HTR2C: variants seen among roughly 807,000 people sequenced by gnomAD.
HTR2C encodes the protein 5-hydroxytryptamine receptor 2C.
HTR2C carries 5 observed loss-of-function variants against 21.0 expected under a neutral mutation model. That is an observed-to-expected ratio of 0.24 (90% CI 0.12 to 0.50). The LOEUF is 0.50. Ranked by LOEUF, HTR2C falls within the 20% of genes least tolerant of loss-of-function variation. The probability of loss-of-function intolerance (pLI) is 0.98; values close to 1 mark genes in which losing one functional copy is unlikely to be tolerated. For missense variants in HTR2C, 271 were observed against 371.2 expected (o/e 0.73, Z 2.22); for synonymous variants, 150 against 145.3 (o/e 1.03, Z -0.23).
chrX:114,904,199 T>C (rs1275064398), intron 5 of HTR2C, among the ~76,000 whole-genome samples: 1 of 111,800 alleles, frequency 8.9e-6, no homozygotes, highest in Non-Finnish European at 1.9e-5. Context: ...TGTCTTCTTT[T>C]CTCTTTTTTT....
intron 1 of HTR2C, among the ~76,000 whole-genome samples, chrX:114,590,705 T>C (rs1176371997): frequency 8.9e-6 from 1 of 112,033 alleles, no homozygotes; most frequent in Non-Finnish European, 1.9e-5. Context: ...CTGAACATAT[T>C]TTAGGGCAAT....
intron 4 of HTR2C, among the ~76,000 whole-genome samples, chrX:114,845,251 A>C (rs1227518369): frequency 1.8e-5 from 2 of 111,307 alleles, no homozygotes; most frequent in African/African-American, 3.2e-5. Flanking sequence ...TGCAAAAATT[A>C]AACAATATTA....
At chrX:114,704,958 T>C (rs1449310230) in intron 2 of HTR2C, among the ~76,000 whole-genome samples, 8 of 107,332 alleles carry the variant, frequency 7.5e-5, no homozygotes, top group Admixed American at 2.0e-4. Flanking sequence ...CCATTCACAA[T>C]TGCTTCAAAG....
chrX:114,820,455 T>C (rs2070622175), intron 4 of HTR2C, among the ~76,000 whole-genome samples: 1 of 110,494 alleles, frequency 9.1e-6, no homozygotes, highest in Non-Finnish European at 1.9e-5. Flanking sequence ...AACCACAATT[T>C]ATCAGTCATA....
chrX:114,804,441 C>T (rs2070382579), intron 4 of HTR2C, among the ~76,000 whole-genome samples: 1 of 111,889 alleles, frequency 8.9e-6, no homozygotes, highest in South Asian at 3.7e-4. Context: ...CATATGATTA[C>T]TTTGTTTCTG....
intron 5 of HTR2C, among the ~76,000 whole-genome samples, chrX:114,866,626 A>G (rs1012151899): frequency 2.1e-4 from 23 of 108,314 alleles, no homozygotes; most frequent in African/African-American, 6.4e-4. Flanking sequence ...CCCGTTAACC[A>G]TCCCCATCTC....
chrX:114,803,441 G>T (rs2070371612), intron 4 of HTR2C, among the ~76,000 whole-genome samples: 1 of 101,344 alleles, frequency 9.9e-6, no homozygotes, highest in Non-Finnish European at 2.0e-5. Flanking sequence ...GTGTGAAATG[G>T]TATCTCATTG....
At chrX:114,770,760 A>G (rs1346335643) in intron 4 of HTR2C, among the ~76,000 whole-genome samples, 1 of 102,805 alleles carries the variant, frequency 9.7e-6, no homozygotes, top group African/African-American at 3.5e-5. Flanking sequence ...TCCTGCCTTT[A>G]TGCCATACTT....
chrX:114,882,236 A>G (rs1239600713), intron 5 of HTR2C, among the ~76,000 whole-genome samples: 1 of 110,850 alleles, frequency 9.0e-6, no homozygotes, highest in Non-Finnish European at 1.9e-5. Flanking sequence ...ATTAGTTCTA[A>G]TACTTTTTAA....
At chrX:114,600,543 A>G (rs1490231373) in intron 1 of HTR2C, among the ~76,000 whole-genome samples, 1 of 111,248 alleles carries the variant, frequency 9.0e-6, no homozygotes, top group Non-Finnish European at 1.9e-5. Flanking sequence ...TCTAATAATA[A>G]TAATTGGTAA....
chrX:114,601,396 G>T (rs1272906519), intron 1 of HTR2C, among the ~76,000 whole-genome samples: 1 of 108,984 alleles, frequency 9.2e-6, no homozygotes, highest in African/African-American at 3.4e-5. Context: ...TGAGGGTGGG[G>T]CTGTTTTATA....
intron 4 of HTR2C, among the ~76,000 whole-genome samples, chrX:114,772,463 G>A (rs1369184583): frequency 1.4e-5 from 1 of 71,507 alleles, no homozygotes; most frequent in Non-Finnish European, 2.6e-5. Context: ...TTTTGTGTAT[G>A]TGTGGTGGCG....
chrX:114,834,201 T>G (rs1290379860), intron 4 of HTR2C, among the ~76,000 whole-genome samples: 2 of 110,641 alleles, frequency 1.8e-5, no homozygotes, highest in Non-Finnish European at 1.9e-5. Flanking sequence ...GAGAGTTCTG[T>G]AGATGTCTAT....
chrX:114,894,687 CTTAT>C lies in HTR2C; in HGVS notation c.551-11889_551-11886del, dbSNP rs782810483. Among the ~76,000 whole-genome samples the C allele has an allele frequency of 1.0e-4, 11 of 110,067 alleles. No homozygotes were observed. In the South Asian group the frequency reaches 1.9e-3, roughly 19 times the overall value. ...GGTATTTATATTTCAATAAATCTAC[CTTAT>C]TTATTTATTTATCCATTTATTTATC... On this transcript the variant is annotated intron_variant, in intron 5 of 5. Transcript: ENST00000276198.
At chrX:114,779,071 C>T (rs2070089272) in intron 4 of HTR2C, among the ~76,000 whole-genome samples, 2 of 111,461 alleles carry the variant, frequency 1.8e-5, no homozygotes, top group Admixed American at 1.9e-4. Context: ...AGATATTTGG[C>T]AAAACATCAA....
chrX:114,845,869 C>A (rs2070869941), intron 4 of HTR2C, among the ~76,000 whole-genome samples: 1 of 109,326 alleles, frequency 9.1e-6, no homozygotes. Context: ...AAAAATTAGA[C>A]AGGTATGGTG....
At chrX:114,809,392 G>GT (rs34708650) in intron 4 of HTR2C, among the ~76,000 whole-genome samples, 57 of 99,055 alleles carry the variant, frequency 5.8e-4, no homozygotes, top group African/African-American at 9.5e-4. Flanking sequence ...TTTTTTTGTT[G>GT]TTTTTTTTTT....
intron 4 of HTR2C, among the ~76,000 whole-genome samples, chrX:114,836,309 C>G (rs1419362948): frequency 9.0e-6 from 1 of 111,495 alleles, no homozygotes; most frequent in African/African-American, 3.2e-5. Context: ...CCCAGCCTCG[C>G]TGCCGCCTTG....
chrX:114,701,752 C>G (rs1932514680), intron 2 of HTR2C, among the ~76,000 whole-genome samples: 1 of 112,012 alleles, frequency 8.9e-6, no homozygotes, highest in African/African-American at 3.2e-5. Context: ...TTCAGACGAT[C>G]AAACTACTCC....
Sources: allele counts gnomAD v4.1 joint callset (sites outside exome capture counted in the v4.1 genomes callset), GRCh38; gene constraint gnomAD v4.1.1; transcripts MANE v1.5; gene names NCBI Gene and HGNC (gene_info 2026-07-23, HGNC 2026-07-21).